Variants in SEZ6L observed in about 807,000 individuals in gnomAD.
The protein encoded by SEZ6L is seizure 6-like protein.
SEZ6L carries 37 observed loss-of-function variants against 106.2 expected under a neutral mutation model. The observed-to-expected ratio is 0.35, with a 90% CI of 0.27 to 0.46. The LOEUF (loss-of-function observed/expected upper bound fraction) is 0.46, where lower values mean the gene tolerates loss of function less well. Ranked by LOEUF, SEZ6L falls within the 20% of genes least tolerant of loss-of-function variation. The pLI, the probability that SEZ6L is intolerant of heterozygous loss-of-function variation, is 1.00. For synonymous variants in SEZ6L, 541 were observed against 570.4 expected, an observed-to-expected ratio of 0.95 and a Z score of 0.73; for missense variants, 1,172 against 1,332.8, an observed-to-expected ratio of 0.88 and a Z score of 1.88.
chr22:26,383,248 AG>A lies in SEZ6L; in HGVS notation c.*2955del, dbSNP rs1297500387. 1 of 150,166 alleles carries A rather than the reference AG, an allele frequency of 6.7e-6. No homozygotes were observed. Among genetic ancestry groups the A allele is most frequent in the African/African-American group, 2.5e-5 (1 of 39,502 alleles). The allele number at this position is 150,166 out of a possible 1,614,324, so 9.3% of individuals were successfully genotyped here. On this transcript the variant is annotated 3_prime_UTR_variant, in exon 17 of 17. Transcript: ENST00000248933. Reference sequence around the variant, plus strand: ...TTTGAAGACTGCCAAACAGCCCAGAAGGAAGCAAAGCATCTGCATAATCAGG... The same window carrying A: ...TTTGAAGACTGCCAAACAGCCCAGAAGAAGCAAAGCATCTGCATAATCAGG...
intron 1 of SEZ6L, among the ~76,000 whole-genome samples, chr22:26,279,070 G>A (rs959245495): frequency 2.0e-5 from 3 of 152,044 alleles, no homozygotes; most frequent in African/African-American, 7.2e-5. Context: ...CCCCAACCAC[G>A]TTGAATGACT....
In SEZ6L at chr22:26,204,358, C is replaced by T. The variant is rs4619725; in HGVS notation, c.94+34595C>T. Among the ~76,000 whole-genome samples the T allele has an allele frequency of 2.6e-3, 393 of 152,260 alleles. 2 individuals are homozygous for T. The highest frequency in any genetic ancestry group is 4.8e-3 in the Non-Finnish European group (324 of 68,014). On this transcript the variant is annotated intron_variant, in intron 1 of 16. Coordinates refer to ENST00000248933, the MANE Select transcript of SEZ6L (RefSeq NM_021115.5). Reference sequence around the variant, plus strand: ...AGTATAGAGGGCTTTAAAATAATAGCCATACCACAAATATAGCACTTACTA... The same window carrying T: ...AGTATAGAGGGCTTTAAAATAATAGTCATACCACAAATATAGCACTTACTA...
rs201779919 is a variant in SEZ6L at position 26,293,087 on chromosome 22, A to G, written c.776A>G (p.Gln259Arg). 1 of 1,609,244 alleles carries G rather than the reference A, an allele frequency of 6.2e-7. No homozygotes were observed. Among genetic ancestry groups the G allele is most frequent in the African/African-American group, 1.3e-5 (1 of 74,914 alleles). Residue 259 changes from glutamine (Q) to arginine (R), a missense_variant, in exon 2 of 17, where the codon CAG becomes CGG. Transcript: ENST00000248933. ...ACTGGGTCAGCCTCAGAGGAGAGCC[A>G]GGAGACCACTACCTCCACCATTATC... ...ELTGSASEESQETTTSTIITT... is the reference protein window; with the variant it reads ...ELTGSASEESRETTTSTIITT...
intron 1 of SEZ6L, among the ~76,000 whole-genome samples, chr22:26,219,591 T>C (rs1176640858): frequency 1.3e-5 from 2 of 152,144 alleles, no homozygotes; most frequent in East Asian, 3.8e-4. Context: ...TAAGGGCATT[T>C]TTAAAAATCT....
Position 26,169,740 on chromosome 22 carries a change from G to T in SEZ6L, c.71G>T (p.Ser24Ile). ...CTGTTCCTCGCTCTGCTCCTGGGGA[G>T]CCCGGCGGCAGCGCTGGAGCGAGGT... is the stretch of plus-strand genomic sequence containing the variant. ...ISLFLALLLG[S>I]PAAALERDAL... Residue 24 changes from serine to isoleucine, a missense_variant, in exon 1 of 17, where the codon AGC (serine) becomes ATC (isoleucine). Physicochemically the swap from Ser to Ile is moderately radical, Grantham distance 142. This residue lies in a region of SEZ6L where 494 missense variants were observed against 445.8 expected (regional missense o/e 1.11). Coordinates refer to ENST00000248933, the MANE Select transcript of SEZ6L (RefSeq NM_021115.5). 7.9e-7 allele frequency: 1 copy of T among 1,263,174 alleles called. No individual in the cohort carries two copies. The highest frequency in any genetic ancestry group is 2.9e-5 in the South Asian group (1 of 34,392). 78.2% of individuals were successfully genotyped at this position (1,263,174 alleles called of 1,614,324 possible).
intron 13 of SEZ6L, among the ~76,000 whole-genome samples, chr22:26,366,273 G>T (rs903220791): frequency 4.6e-5 from 7 of 152,216 alleles, no homozygotes; most frequent in African/African-American, 9.6e-5. Flanking sequence ...GGCAGAGGTT[G>T]CAGTGAGCCG....
chr22:26,281,520 GC>G (rs1369443132), intron 1 of SEZ6L, among the ~76,000 whole-genome samples: 2 of 151,528 alleles, frequency 1.3e-5, no homozygotes, highest in African/African-American at 4.8e-5. Context: ...GAATACAGGC[GC>G]CCGCCACCAT....
At chr22:26,268,498 A>G (rs760388598) in intron 1 of SEZ6L, among the ~76,000 whole-genome samples, 65 of 152,166 alleles carry the variant, frequency 4.3e-4, no homozygotes, top group Non-Finnish European at 7.2e-4. Context: ...CTCCCTCTTC[A>G]GTAGCCAGGG....
intron 1 of SEZ6L, among the ~76,000 whole-genome samples, chr22:26,257,371 A>G (rs1400091276): frequency 6.6e-6 from 1 of 152,172 alleles, no homozygotes; most frequent in East Asian, 1.9e-4. Context: ...TTAACTTCTC[A>G]TTTTACAGGA....
chr22:26,190,475 G>A (rs1356754271), intron 1 of SEZ6L, among the ~76,000 whole-genome samples: 4 of 152,112 alleles, frequency 2.6e-5, no homozygotes, highest in Non-Finnish European at 5.9e-5. Context: ...TTAAAATCAG[G>A]CTGCCTGAGT....
chr22:26,233,490 C>T (rs2078863923), intron 1 of SEZ6L, among the ~76,000 whole-genome samples: 1 of 152,212 alleles, frequency 6.6e-6, no homozygotes, highest in African/African-American at 2.4e-5. Flanking sequence ...TGCCTCCTGG[C>T]ACCATCATGA....
At chr22:26,294,529 T>A in intron 3 of SEZ6L, 104 bp downstream of exon 3, 1 of 1,256,210 alleles carries the variant, frequency 8.0e-7, no homozygotes, top group Non-Finnish European at 1.1e-6. Context: ...TTTGGTTCTG[T>A]CTTTGCCCAA....
chr22:26,343,501 T>C (rs150495662), intron 10 of SEZ6L, among the ~76,000 whole-genome samples: 1 of 152,336 alleles, frequency 6.6e-6, no homozygotes, highest in Non-Finnish European at 1.5e-5. Context: ...TAACATATAT[T>C]ATTTTATTTC....
At chr22:26,342,253 A>G (rs1197481942) in intron 10 of SEZ6L, among the ~76,000 whole-genome samples, 1 of 152,148 alleles carries the variant, frequency 6.6e-6, no homozygotes, top group Admixed American at 6.5e-5. Flanking sequence ...CAGGAATTAG[A>G]CTGGCATCTT....
intron 11 of SEZ6L, among the ~76,000 whole-genome samples, chr22:26,350,036 G>A (rs2083219979): frequency 6.6e-6 from 1 of 151,852 alleles, no homozygotes; most frequent in South Asian, 2.1e-4. Flanking sequence ...TCATGGGATG[G>A]CTATTCCATG....
At chr22:26,355,865 C>A (rs2083421431) in intron 12 of SEZ6L, among the ~76,000 whole-genome samples, 1 of 152,206 alleles carries the variant, frequency 6.6e-6, no homozygotes, top group African/African-American at 2.4e-5. Context: ...TAATCCTAGT[C>A]CATTTACCCC....
At chr22:26,239,257 G>A (rs1157801132) in intron 1 of SEZ6L, among the ~76,000 whole-genome samples, 1 of 152,130 alleles carries the variant, frequency 6.6e-6, no homozygotes, top group Non-Finnish European at 1.5e-5. Context: ...GCCAGCTGGG[G>A]GGCAGGGTGG....
chr22:26,330,381 A>G (rs917093863), intron 9 of SEZ6L, among the ~76,000 whole-genome samples: 2 of 152,232 alleles, frequency 1.3e-5, no homozygotes, highest in African/African-American at 4.8e-5. Context: ...GAAATGGTGC[A>G]TGTAAAGTGC....
intron 13 of SEZ6L, among the ~76,000 whole-genome samples, chr22:26,369,847 G>A (rs2083965406): frequency 6.6e-6 from 1 of 151,754 alleles, no homozygotes; most frequent in Non-Finnish European, 1.5e-5. Context: ...GAACTCCTGG[G>A]CTCAAGGGAT....
Sources: allele counts gnomAD v4.1 joint callset (sites outside exome capture counted in the v4.1 genomes callset), GRCh38; gene constraint gnomAD v4.1.1; regional missense constraint gnomAD v4.1.1; transcripts MANE v1.5; gene names NCBI Gene and HGNC (gene_info 2026-07-23, HGNC 2026-07-21).